MBNL3: variants seen among roughly 807,000 people sequenced by gnomAD.
MBNL3 encodes the protein muscleblind-like protein 3.
A neutral mutation model predicts 24.5 loss-of-function variants in MBNL3; 6 were observed. That is an observed-to-expected ratio of 0.25 (90% confidence interval 0.13 to 0.48). MBNL3 has a LOEUF of 0.48. MBNL3 is among the 20% of genes least tolerant of loss of function. MBNL3 has a pLI of 0.99. For synonymous variants in MBNL3, 100 were observed against 101.7 expected (o/e 0.98, Z 0.10); for missense variants, 230 against 293.5 (o/e 0.78, Z 1.58).
intron 1 of MBNL3, among the ~76,000 whole-genome samples, chrX:132,444,789 G>A (rs1434573374): frequency 9.1e-6 from 1 of 110,411 alleles, no homozygotes; most frequent in Non-Finnish European, 1.9e-5. Context: ...TGCAACCTTT[G>A]AAAAAAAAGA....
chrX:132,393,794 C>G (rs1408475837), intron 3 of MBNL3, among the ~76,000 whole-genome samples: 2 of 110,955 alleles, frequency 1.8e-5, no homozygotes, highest in Non-Finnish European at 3.8e-5. Flanking sequence ...CTTGAAAAAA[C>G]CCCCGAATCT....
chrX:132,445,113 C>T (rs757420412), intron 1 of MBNL3, among the ~76,000 whole-genome samples: 9 of 111,954 alleles, frequency 8.0e-5, no homozygotes, highest in Non-Finnish European at 1.5e-4. Context: ...ATGCATTTAT[C>T]AACCCCTGAA....
chrX:132,404,262 GA>G (rs763601250), intron 3 of MBNL3, among the ~76,000 whole-genome samples: 1 of 111,492 alleles, frequency 9.0e-6, no homozygotes, highest in African/African-American at 3.3e-5. Context: ...AAAGCTGGGG[GA>G]AAAAATAGAA....
chrX:132,385,301 G>A (rs1424024577), intron 6 of MBNL3, among the ~76,000 whole-genome samples: 1 of 111,404 alleles, frequency 9.0e-6, no homozygotes, highest in Admixed American at 9.6e-5. Context: ...TGGAAACAAA[G>A]TAACTGTAGT....
chrX:132,449,976 TGCC>T (rs1945983486), intron 1 of MBNL3, among the ~76,000 whole-genome samples: 2 of 37,668 alleles, frequency 5.3e-5, no homozygotes, highest in African/African-American at 1.9e-4. Context: ...TGCTGAATAT[TGCC>T]CCCCCCCCCC....
Position 132,379,500 on chromosome X carries a change from C to T in MBNL3, c.*166G>A. 1 of 439,973 alleles carries T rather than the reference C, an allele frequency of 2.3e-6. No individual in the cohort carries two copies. The highest frequency in any genetic ancestry group is 6.3e-5 in the South Asian group (1 of 15,919). The allele number at this position is 439,973 out of a possible 1,213,427, so 36.3% of individuals were successfully genotyped here. On this transcript the variant is annotated 3_prime_UTR_variant, in exon 9 of 9. Coordinates refer to ENST00000370853, the MANE Select transcript of MBNL3 (RefSeq NM_001386889.1). ...TTAACATCTCCATTGATTTTTAATG[C>T]TTTATTTTTTATTTGAATTTGCTGG...
intron 1 of MBNL3, among the ~76,000 whole-genome samples, chrX:132,467,022 ATATTCAATAC>A (rs1272858198): frequency 8.9e-6 from 1 of 111,818 alleles, no homozygotes; most frequent in Non-Finnish European, 1.9e-5. Flanking sequence ...ATTTCAATAA[ATATTCAATAC>A]TATTCAATAC....
At chrX:132,395,948 TA>T (rs1379424648) in intron 3 of MBNL3, among the ~76,000 whole-genome samples, 1 of 111,103 alleles carries the variant, frequency 9.0e-6, no homozygotes, top group Admixed American at 9.7e-5. Context: ...CTAGGGCCCA[TA>T]AGCCAAATTC....
chrX:132,378,802 G>A lies in MBNL3; in HGVS notation c.*864C>T, dbSNP rs1934386369. On this transcript the variant is annotated 3_prime_UTR_variant, in exon 9 of 9. Transcript: ENST00000370853. Reference sequence around the variant, plus strand: ...ATAAATGCTGAGAAATTCATTTAAAGGTAAAGTCTTATTTGCCAAGCTATT... The same window carrying A: ...ATAAATGCTGAGAAATTCATTTAAAAGTAAAGTCTTATTTGCCAAGCTATT... 8.9e-6 allele frequency: 1 copy of A among 111,882 alleles called. No individual in the cohort carries two copies. The highest frequency in any genetic ancestry group is 3.2e-5 in the African/African-American group (1 of 30,843). The allele number at this position is 111,882 out of a possible 1,213,427, so 9.2% of individuals were successfully genotyped here. A position where few individuals can be genotyped will look rare whatever the true frequency, so the allele number is the denominator to read the frequency against.
intron 2 of MBNL3, among the ~76,000 whole-genome samples, chrX:132,417,564 G>A (rs1461915779): frequency 8.9e-6 from 1 of 111,887 alleles, no homozygotes; most frequent in East Asian, 2.8e-4. Context: ...ACATGTCTAA[G>A]GATGTAGTGT....
At chrX:132,399,728 G>C in intron 3 of MBNL3, among the ~76,000 whole-genome samples, 1 of 108,828 alleles carries the variant, frequency 9.2e-6, no homozygotes, top group African/African-American at 3.3e-5. Context: ...TTAATTATCA[G>C]GTGGTAGGGC....
Position 132,447,536 on chromosome X carries a change from C to A in MBNL3, c.-703-7222G>T, listed in dbSNP as rs1267325083. Among the ~76,000 whole-genome samples, 3 of 111,572 alleles carry A rather than the reference C, an allele frequency of 2.7e-5. No individual in the cohort carries two copies. In the East Asian group the frequency reaches 8.4e-4, roughly 31 times the overall value. ...TAGCAATTGTGAATGGGAGTTCACTCATGATTTGCCTCTGTTTGTCTGTTA... is the reference window on the plus strand; with the variant it reads ...TAGCAATTGTGAATGGGAGTTCACTAATGATTTGCCTCTGTTTGTCTGTTA... On this transcript the variant is annotated intron_variant, in intron 1 of 8. Transcript: ENST00000370853.
chrX:132,462,696 A>G (rs759092544), intron 1 of MBNL3, among the ~76,000 whole-genome samples: 1 of 108,542 alleles, frequency 9.2e-6, no homozygotes, highest in African/African-American at 3.4e-5. Flanking sequence ...GTGTGCATGC[A>G]TGTGTGTGTG....
intron 2 of MBNL3, among the ~76,000 whole-genome samples, chrX:132,417,252 A>G (rs1469313415): frequency 9.0e-6 from 1 of 111,513 alleles, no homozygotes; most frequent in African/African-American, 3.3e-5. Flanking sequence ...ACTGTTCCCA[A>G]TATTTAAAGA....
chrX:132,393,964 T>C (rs1029919592), intron 3 of MBNL3, among the ~76,000 whole-genome samples: 1 of 111,798 alleles, frequency 8.9e-6, no homozygotes, highest in African/African-American at 3.3e-5. Context: ...AAGAAGACTC[T>C]GTTATAAACC....
rs1231388497 is a variant in MBNL3 at position 132,373,909 on chromosome X, A to G, written c.*5757T>C. 1 of 111,844 alleles carries G rather than the reference A, an allele frequency of 8.9e-6. No homozygotes were observed. Among genetic ancestry groups the G allele is most frequent in the Non-Finnish European group, 1.9e-5 (1 of 52,993 alleles). The allele number at this position is 111,844 out of a possible 1,213,427, so 9.2% of individuals were successfully genotyped here. On this transcript the variant is annotated 3_prime_UTR_variant, in exon 9 of 9. Transcript: ENST00000370853. ...ATCTGGTAAAGGTAGGTCAAAAAAC[A>G]GCTTCCACTGAACAGGTATAATGTA...
intron 1 of MBNL3, among the ~76,000 whole-genome samples, chrX:132,474,759 CT>C (rs773306462): frequency 3.6e-5 from 4 of 111,644 alleles, no homozygotes; most frequent in African/African-American, 1.3e-4. Flanking sequence ...CCTTCCTTCC[CT>C]TGATGCAATT....
chrX:132,395,242 C>T (rs1028252164), intron 3 of MBNL3, among the ~76,000 whole-genome samples: 1 of 111,506 alleles, frequency 9.0e-6, no homozygotes, highest in Admixed American at 9.6e-5. Flanking sequence ...TGGGTTAAGT[C>T]AAGCAGCCTG....
intron 1 of MBNL3, among the ~76,000 whole-genome samples, chrX:132,445,350 C>T (rs1945646631): frequency 1.8e-5 from 2 of 110,353 alleles, no homozygotes; most frequent in African/African-American, 3.3e-5. Flanking sequence ...CACCACCACA[C>T]GTTCTGTAAG....
Sources: gnomAD v4.1 joint callset for allele counts (sites outside exome capture counted in the v4.1 genomes callset) on GRCh38, gnomAD v4.1.1 for gene constraint, MANE v1.5 for transcripts, NCBI Gene and HGNC (gene_info 2026-07-23, HGNC 2026-07-21) for gene names.